CWF19L2: variants seen among roughly 807,000 people sequenced by gnomAD.
CWF19L2 encodes CWF19 like cell cycle control factor 2, also known as CWF19-like protein 2.
In CWF19L2, 98 loss-of-function variants were observed where a neutral mutation model predicts 111.7. That is an observed-to-expected ratio of 0.88 (90% CI 0.75 to 1.04). CWF19L2 has a LOEUF of 1.04. CWF19L2 is among the 50% of genes least tolerant of loss of function. The pLI, the probability that CWF19L2 is intolerant of heterozygous loss-of-function variation, is 0.00. For synonymous variants in CWF19L2, 351 were observed against 342.9 expected (o/e 1.02, Z -0.26); for missense variants, 1,101 against 1,051.4 (o/e 1.05, Z -0.65).
chr11:107,434,094 A>T (rs1008435993), intron 6 of CWF19L2, among the ~76,000 whole-genome samples: 3 of 151,728 alleles, frequency 2.0e-5, no homozygotes, highest in East Asian at 1.9e-4. Context: ...AGAAAGTAGG[A>T]GGTCAGGGAA....
chr11:107,361,075 T>C (rs1287256871), intron 12 of CWF19L2, among the ~76,000 whole-genome samples: 1 of 152,256 alleles, frequency 6.6e-6, no homozygotes, highest in Non-Finnish European at 1.5e-5. Flanking sequence ...AGAGTTTTTA[T>C]GGTTTCAAGT....
chr11:107,361,536 A>G (rs1230265226), intron 12 of CWF19L2, among the ~76,000 whole-genome samples: 1 of 152,136 alleles, frequency 6.6e-6, no homozygotes, highest in Non-Finnish European at 1.5e-5. Flanking sequence ...GTTGATAGAG[A>G]TTATAATCAA....
chr11:107,454,154 G>C lies in CWF19L2; in HGVS notation c.339+296C>G, dbSNP rs189247840. Among the ~76,000 whole-genome samples, 21 of 152,356 alleles carry C rather than the reference G, an allele frequency of 1.4e-4. No homozygotes were observed. The East Asian group carries it at 3.7e-3, about 27-fold the overall frequency. On this transcript the variant is annotated intron_variant, in intron 3 of 17. Coordinates refer to ENST00000282251, the MANE Select transcript of CWF19L2 (RefSeq NM_152434.3). ...GCTGATTGCAGAGCCCCAGGGCCTTGAGTGAACACCAGCTGTAGCCAGGTA... is the reference window on the plus strand; with the variant it reads ...GCTGATTGCAGAGCCCCAGGGCCTTCAGTGAACACCAGCTGTAGCCAGGTA...
At chr11:107,374,285 C>A (rs1180813994) in intron 12 of CWF19L2, among the ~76,000 whole-genome samples, 1 of 128,732 alleles carries the variant, frequency 7.8e-6, no homozygotes, top group East Asian at 2.2e-4. Context: ...CAAACATACT[C>A]CTCGAGAAGA....
In CWF19L2 at chr11:107,373,419, G is replaced by T. The variant is rs1251193511; in HGVS notation, c.1872+16655C>A. On this transcript the variant is annotated intron_variant, in intron 12 of 17. Coordinates refer to ENST00000282251, the MANE Select transcript of CWF19L2 (RefSeq NM_152434.3). ...GTGGTTCTCCCAGCACGCAGCTGAA[G>T]ATCTGAGAACGGGCAGACTGCCTCC... Among the ~76,000 whole-genome samples, 8 of 136,138 alleles carry T rather than the reference G, an allele frequency of 5.9e-5. 1 individual carries two copies. Among genetic ancestry groups the T allele is most frequent in the East Asian group, 2.2e-4 (1 of 4,600 alleles). 89.3% of individuals were successfully genotyped at this position (136,138 alleles called of 152,430 possible).
chr11:107,413,346 A>G (rs989549562), intron 10 of CWF19L2, among the ~76,000 whole-genome samples: 2 of 152,220 alleles, frequency 1.3e-5, no homozygotes, highest in African/African-American at 4.8e-5. Flanking sequence ...AAAATGTTGC[A>G]ACTGTATGAC....
Position 107,441,525 on chromosome 11 carries a change from T to C in CWF19L2, c.548A>G (p.Glu183Gly). 2 of 1,544,178 alleles carry C rather than the reference T, an allele frequency of 1.3e-6. No individual in the cohort carries two copies. The highest frequency in any genetic ancestry group is 1.7e-6 in the Non-Finnish European group (2 of 1,144,664). Residue 183 changes from glutamate (E) to glycine (G), a missense_variant, in exon 5 of 18, where the codon GAG becomes GGG. By Grantham distance (98) the Glu-to-Gly change is moderately conservative. Transcript: ENST00000282251. ...TACCTGTTCAAGCGCTTGGTTTTTCTCTTGCTCTATTTTCCTCATAGTTTC... is the reference window on the plus strand; with the variant it reads ...TACCTGTTCAAGCGCTTGGTTTTTCCCTTGCTCTATTTTCCTCATAGTTTC... ...EKETMRKIEQ[E>G]KNQALEQSKL...
intron 10 of CWF19L2, among the ~76,000 whole-genome samples, chr11:107,410,448 T>C (rs1861141048): frequency 6.6e-6 from 1 of 152,214 alleles, no homozygotes; most frequent in South Asian, 2.1e-4. Flanking sequence ...GAACCTTCTC[T>C]GCAGAGAAGA....
chr11:107,441,470 TAGAA>T (rs1185016346), intron 5 of CWF19L2, 29 bp downstream of exon 5: 1 of 1,471,072 alleles, frequency 6.8e-7, no homozygotes, highest in Non-Finnish European at 9.0e-7. Context: ...AAAGGTAAAT[TAGAA>T]AGTTAAAGCA....
chr11:107,443,000 T>C lies in CWF19L2; in HGVS notation c.389A>G (p.Lys130Arg). 1.3e-6 allele frequency: 2 copies of C among 1,551,926 alleles called. No homozygotes were observed. Among genetic ancestry groups the C allele is most frequent in the African/African-American group, 1.4e-5 (1 of 73,148 alleles). Residue 130 changes from lysine to arginine, a missense_variant, in exon 4 of 18, where the codon AAG becomes AGG. Transcript: ENST00000282251. ...ATCTTTCACTTTCCAGGCTTTTTCCTTGTCAGGAGTCTGGGATGGAACAGC... is the reference window on the plus strand; with the variant it reads ...ATCTTTCACTTTCCAGGCTTTTTCCCTGTCAGGAGTCTGGGATGGAACAGC... The part of the protein sequence containing the change: ...VEAVPSQTPD[K>R]EKAWKVKDEK...
intron 13 of CWF19L2, 24 bp downstream of exon 13, chr11:107,353,500 C>G: frequency 1.3e-6 from 2 of 1,577,220 alleles, no homozygotes; most frequent in Non-Finnish European, 1.7e-6. Flanking sequence ...AGAATGTAAG[C>G]AAAGGATAAT....
intron 3 of CWF19L2, among the ~76,000 whole-genome samples, chr11:107,450,401 T>C (rs1861761599): frequency 6.6e-6 from 1 of 151,916 alleles, no homozygotes. Flanking sequence ...AACTCATATA[T>C]ATATATCCTG....
At chr11:107,375,188 C>T (rs1467640034) in intron 12 of CWF19L2, among the ~76,000 whole-genome samples, 1 of 132,662 alleles carries the variant, frequency 7.5e-6, no homozygotes, top group Non-Finnish European at 1.6e-5. Context: ...TTTAACACCC[C>T]ACTGTCAACA....
At chr11:107,412,947 G>C (rs1861178111) in intron 10 of CWF19L2, among the ~76,000 whole-genome samples, 1 of 152,170 alleles carries the variant, frequency 6.6e-6, no homozygotes, top group African/African-American at 2.4e-5. Flanking sequence ...AGACTAAAAA[G>C]ATCCGAGGTT....
intron 6 of CWF19L2, among the ~76,000 whole-genome samples, chr11:107,434,895 A>C (rs1861519295): frequency 6.6e-6 from 1 of 152,018 alleles, no homozygotes. Context: ...CTGAGTACAC[A>C]AACGTTTTCA....
intron 14 of CWF19L2, 73 bp downstream of exon 14, chr11:107,348,864 T>C (rs1860117633): frequency 1.3e-6 from 1 of 770,326 alleles, no homozygotes; most frequent in Non-Finnish European, 2.2e-6. Flanking sequence ...TTATACCTAT[T>C]GGAATTTATC....
intron 8 of CWF19L2, among the ~76,000 whole-genome samples, chr11:107,425,561 G>C (rs1861364438): frequency 1.3e-5 from 2 of 151,848 alleles, no homozygotes; most frequent in South Asian, 4.1e-4. Context: ...ACCTAATAAT[G>C]AATCTGCCTA....
In CWF19L2 at chr11:107,362,141, G is replaced by T. The variant is rs571411995; in HGVS notation, c.1873-8405C>A. 3.9e-5 allele frequency among the ~76,000 whole-genome samples: 6 copies of T among 152,232 alleles called. No individual in the cohort carries two copies. The South Asian group carries it at 1.2e-3, about 32-fold the overall frequency. On this transcript the variant is annotated intron_variant, in intron 12 of 17. Coordinates refer to ENST00000282251, the MANE Select transcript of CWF19L2 (RefSeq NM_152434.3). ...CGGCTTAAAAAACGGCACACTACGA[G>T]ATTATATCCCGCACCTGGCTCGGAG...
At chr11:107,446,857 C>A (rs1325359412) in intron 3 of CWF19L2, among the ~76,000 whole-genome samples, 3 of 152,202 alleles carry the variant, frequency 2.0e-5, no homozygotes, top group African/African-American at 7.2e-5. Context: ...CATGCTACGA[C>A]TTCAGTTCTC....
Sources: gnomAD v4.1 joint callset for allele counts (sites outside exome capture counted in the v4.1 genomes callset) on GRCh38, gnomAD v4.1.1 for gene constraint, MANE v1.5 for transcripts, NCBI Gene and HGNC (gene_info 2026-07-23, HGNC 2026-07-21) for gene names.